LRRC17: variants seen among roughly 807,000 people sequenced by gnomAD.
LRRC17 encodes leucine-rich repeat-containing protein 17.
In LRRC17, 33 loss-of-function variants were observed where a neutral mutation model predicts 41.5. That is an observed-to-expected ratio of 0.80 (90% CI 0.60 to 1.06). LRRC17 has a LOEUF of 1.06. LRRC17 is among the 50% of genes least tolerant of loss of function. LRRC17 has a pLI of 0.00. For synonymous variants in LRRC17, 192 were observed against 197.0 expected (o/e 0.97, Z 0.21); for missense variants, 491 against 519.3 (o/e 0.95, Z 0.53).
At chr7:102,930,141 G>A (rs1201402046) in intron 1 of LRRC17, among the ~76,000 whole-genome samples, 1 of 152,078 alleles carries the variant, frequency 6.6e-6, no homozygotes, top group Non-Finnish European at 1.5e-5. Flanking sequence ...AAATAGAGTA[G>A]AATTTTGAAA....
intron 1 of LRRC17, chr7:102,926,437 A>G (rs1818150731): frequency 1.6e-6 from 2 of 1,283,024 alleles, no homozygotes; most frequent in Non-Finnish European, 2.2e-6. Context: ...TTTCCCCATT[A>G]TCTTTCTATT....
intron 1 of LRRC17, among the ~76,000 whole-genome samples, chr7:102,914,089 T>C (rs2129469219): frequency 6.6e-6 from 1 of 152,264 alleles, no homozygotes; most frequent in East Asian, 1.9e-4. Flanking sequence ...GAGACGAAGT[T>C]TCGCTCTTGT....
intron 1 of LRRC17, among the ~76,000 whole-genome samples, chr7:102,921,058 A>C (rs969356597): frequency 3.3e-5 from 5 of 152,132 alleles, no homozygotes; most frequent in African/African-American, 7.2e-5. Flanking sequence ...AGGCTGAGGC[A>C]GGAGAATCCT....
chr7:102,933,929 A>C lies in LRRC17; in HGVS notation c.16A>C (p.Ile6Leu). 1 of 1,608,754 alleles carries C rather than the reference A, an allele frequency of 6.2e-7. No homozygotes were observed. Among genetic ancestry groups the C allele is most frequent in the Non-Finnish European group, 8.5e-7 (1 of 1,176,168 alleles). The change falls in exon 2 of 4, where the codon ATT becomes CTT. Residue 6 changes from isoleucine to leucine, a missense_variant. Physicochemically the swap from Ile to Leu is conservative, Grantham distance 5. Transcript: ENST00000339431. MRVVT[I>L]VILLCFCKAA... Reference sequence around the variant, plus strand: ...GGATGTCAGGATGCGTGTGGTTACCATTGTAATCTTGCTCTGCTTTTGCAA... The same window carrying C: ...GGATGTCAGGATGCGTGTGGTTACCCTTGTAATCTTGCTCTGCTTTTGCAA...
At chr7:102,929,234 G>C (rs1195777722) in intron 1 of LRRC17, among the ~76,000 whole-genome samples, 1 of 152,170 alleles carries the variant, frequency 6.6e-6, no homozygotes, top group Non-Finnish European at 1.5e-5. Flanking sequence ...ATTTCATGGG[G>C]AAAAATTACT....
chr7:102,926,445 A>G (rs1211678705), intron 1 of LRRC17: 3 of 1,180,868 alleles, frequency 2.5e-6, no homozygotes, highest in East Asian at 2.6e-5. Flanking sequence ...TTATCTTTCT[A>G]TTATCCCTCT....
At position 102,944,661 on chromosome 7, in the gene LRRC17, A is replaced by G; in HGVS notation, c.*54A>G. 6.9e-7 allele frequency: 1 copy of G among 1,456,268 alleles called. No homozygotes were observed. Among genetic ancestry groups the G allele is most frequent in the East Asian group, 2.3e-5 (1 of 43,768 alleles). The allele number at this position is 1,456,268 out of a possible 1,614,324, so 90.2% of individuals were successfully genotyped here. A position where few individuals can be genotyped will look rare whatever the true frequency, so the allele number is the denominator to read the frequency against. On this transcript the variant is annotated 3_prime_UTR_variant, in exon 4 of 4. Coordinates refer to ENST00000339431, the MANE Select transcript of LRRC17 (RefSeq NM_001031692.3). ...TTTGTATTTTCTATACTGGTGTTAG[A>G]AAACATATGTTTACATTTGATTAAC...
chr7:102,928,552 G>A (rs1258161613), intron 1 of LRRC17, among the ~76,000 whole-genome samples: 3 of 152,070 alleles, frequency 2.0e-5, no homozygotes, highest in Non-Finnish European at 4.4e-5. Flanking sequence ...CTCCAAAATC[G>A]GACAAGACTT....
At chr7:102,941,564 A>G (rs1362872202) in intron 3 of LRRC17, among the ~76,000 whole-genome samples, 1 of 152,168 alleles carries the variant, frequency 6.6e-6, no homozygotes, top group Non-Finnish European at 1.5e-5. Flanking sequence ...TGTCTTGATA[A>G]ATAGACTCTG....
chr7:102,927,714 C>A (rs181105628), intron 1 of LRRC17, among the ~76,000 whole-genome samples: 1 of 152,164 alleles, frequency 6.6e-6, no homozygotes, highest in East Asian at 1.9e-4. Flanking sequence ...ATAAACACTA[C>A]TCTTAACTAC....
chr7:102,944,093 C>T (rs1231806212), intron 3 of LRRC17, 117 bp from the exon 4 acceptor site: 1 of 800,314 alleles, frequency 1.2e-6, no homozygotes, highest in Non-Finnish European at 1.9e-6. Context: ...AAAGAAATCT[C>T]TTTATTTTCA....
At chr7:102,914,093 C>T (rs1229275046) in intron 1 of LRRC17, among the ~76,000 whole-genome samples, 1 of 152,198 alleles carries the variant, frequency 6.6e-6, no homozygotes, top group African/African-American at 2.4e-5. Context: ...CGAAGTTTCG[C>T]TCTTGTTGCC....
At chr7:102,942,167 A>G (rs1563127031) in intron 3 of LRRC17, 2 of 637,118 alleles carry the variant, frequency 3.1e-6, no homozygotes, top group Non-Finnish European at 5.6e-6. Context: ...ATATTTACTG[A>G]GCACCTACCA....
chr7:102,925,863 C>T (rs962818075), intron 1 of LRRC17, among the ~76,000 whole-genome samples: 4 of 151,146 alleles, frequency 2.6e-5, no homozygotes, highest in Non-Finnish European at 4.4e-5. Context: ...ATCGCTTGGA[C>T]CCGGGAGGCG....
rs879218212 is a variant in LRRC17 at position 102,942,415 on chromosome 7, A to G, written c.929-1795A>G. 4 of 1,326,496 alleles carry G rather than the reference A, an allele frequency of 3.0e-6. No homozygotes were observed. The Admixed American group carries it at 7.2e-5, about 24-fold the overall frequency. The allele number at this position is 1,326,496 out of a possible 1,614,324, so 82.2% of individuals were successfully genotyped here. On this transcript the variant is annotated intron_variant, in intron 3 of 3. Transcript: ENST00000339431. ...ATAACAATCATATAAAATGCCAGAC[A>G]TTGTTGTGGAAAAGAGAAAGAAGAT...
chr7:102,931,985 C>T (rs778439224), intron 1 of LRRC17: 5 of 1,550,922 alleles, frequency 3.2e-6, no homozygotes, highest in African/African-American at 2.7e-5. Flanking sequence ...AATGTTTAAA[C>T]AAAGTTTTTC....
At chr7:102,941,309 G>A (rs535149714) in intron 3 of LRRC17, among the ~76,000 whole-genome samples, 2 of 152,200 alleles carry the variant, frequency 1.3e-5, no homozygotes, top group South Asian at 4.1e-4. Flanking sequence ...CAAAGCCAGG[G>A]TACAGGGTAA....
chr7:102,936,813 C>T (rs1421659005), intron 2 of LRRC17, among the ~76,000 whole-genome samples: 2 of 152,218 alleles, frequency 1.3e-5, no homozygotes, highest in Admixed American at 6.5e-5. Flanking sequence ...CGAGACTACA[C>T]TGTGTTCTAA....
At chr7:102,942,646 GA>G (rs1191627208) in intron 3 of LRRC17, among the ~76,000 whole-genome samples, 1 of 152,034 alleles carries the variant, frequency 6.6e-6, no homozygotes, top group Non-Finnish European at 1.5e-5. Context: ...TTAGCAAATA[GA>G]AAAAATCCAG....
Sources: allele counts gnomAD v4.1 joint callset (sites outside exome capture counted in the v4.1 genomes callset), GRCh38; gene constraint gnomAD v4.1.1; transcripts MANE v1.5; gene names NCBI Gene and HGNC (gene_info 2026-07-23, HGNC 2026-07-21).